The following ZNF621 variants were observed in gnomAD, a reference collection of about 807,000 sequenced individuals.
The protein encoded by ZNF621 is zinc finger protein 621.
Under a neutral mutation model 12.7 loss-of-function variants are expected in ZNF621, and 6 were observed. The observed-to-expected ratio is 0.47, with a 90% CI of 0.26 to 0.93. The LOEUF is 0.93. Ranked by LOEUF, ZNF621 falls within the 40% of genes least tolerant of loss-of-function variation. The pLI is 0.15. For missense variants in ZNF621, 474 were observed against 524.0 expected (o/e 0.90, Z 0.93); for synonymous variants, 156 against 190.3 (o/e 0.82, Z 1.48).
At chr3:40,527,208 G>A (rs1287310324) in intron 2 of ZNF621, among the ~76,000 whole-genome samples, 1 of 152,036 alleles carries the variant, frequency 6.6e-6, no homozygotes, top group South Asian at 2.1e-4. Flanking sequence ...AGTAGAGACG[G>A]GGGTTCTCCA....
In ZNF621 at chr3:40,532,573, G is replaced by T. The variant is rs536118418; in HGVS notation, c.803G>T (p.Cys268Phe). The T allele has an allele frequency of 6.2e-7, 1 of 1,614,132 alleles. No homozygotes were observed. The highest frequency in any genetic ancestry group is 1.3e-5 in the African/African-American group (1 of 75,012). ...TGEKLYKCKE[C>F]WKAFGCRSLF... ...GAGAAACTCTATAAATGTAAGGAAT[G>T]TTGGAAAGCTTTCGGTTGTAGGTCA... The change falls in exon 5 of 5, where the codon TGT becomes TTT. Residue 268 changes from cysteine (C) to phenylalanine (F), a missense_variant. Cys to Phe is a radical substitution (Grantham distance 205). Coordinates refer to ENST00000339296, the MANE Select transcript of ZNF621 (RefSeq NM_198484.5).
intron 1 of ZNF621, 36 bp from the exon 2 acceptor site, chr3:40,525,743 C>G: frequency 6.4e-7 from 1 of 1,570,710 alleles, no homozygotes; most frequent in Non-Finnish European, 8.8e-7. Flanking sequence ...TGGTGGACGA[C>G]AGGGTCCTTA....
At chr3:40,529,863 T>G (rs1000205060) in intron 3 of ZNF621, among the ~76,000 whole-genome samples, 6 of 152,152 alleles carry the variant, frequency 3.9e-5, no homozygotes, top group African/African-American at 1.4e-4. Flanking sequence ...AAAGCATTCT[T>G]TCTGGCACCC....
At chr3:40,523,159 A>G (rs1698496089), upstream of ZNF621, among the ~76,000 whole-genome samples, 1 of 151,954 alleles carries the variant, frequency 6.6e-6, no homozygotes. Flanking sequence ...ACTGATTCAT[A>G]GAAACTTTAA....
intron 2 of ZNF621, among the ~76,000 whole-genome samples, chr3:40,528,103 C>T (rs1698628748): frequency 6.6e-6 from 1 of 152,220 alleles, no homozygotes; most frequent in African/African-American, 2.4e-5. Flanking sequence ...AGAATAGTTT[C>T]ACTGCCCTAA....
At chr3:40,529,619 G>A (rs1698674814) in intron 3 of ZNF621, 174 bp downstream of exon 3, 2 of 1,466,340 alleles carry the variant, frequency 1.4e-6, no homozygotes, top group Non-Finnish European at 1.8e-6. Flanking sequence ...TTGTTTGTTT[G>A]TTTTGTTTGT....
chr3:40,526,003 C>T (rs1698574128), intron 2 of ZNF621, 139 bp downstream of exon 2: 1 of 925,658 alleles, frequency 1.1e-6, no homozygotes, highest in South Asian at 1.5e-5. Flanking sequence ...ATCTCCAGGG[C>T]TATGGCAGAT....
At chr3:40,530,115 TC>T in intron 3 of ZNF621, 93 bp from the exon 4 acceptor site, 1 of 1,006,962 alleles carries the variant, frequency 9.9e-7, no homozygotes, top group Non-Finnish European at 1.5e-6. Context: ...TCAATTTCTC[TC>T]CCAAGTAGCC....
At chr3:40,526,045 T>G (rs1053876539) in intron 2 of ZNF621, among the ~76,000 whole-genome samples, 181 bp downstream of exon 2, 2 of 152,182 alleles carry the variant, frequency 1.3e-5, no homozygotes, top group African/African-American at 4.8e-5. Flanking sequence ...GAAAGTTTTG[T>G]GTATAGAGAG....
Position 40,532,870 on chromosome 3 carries a change from C to T in ZNF621, c.1100C>T (p.Pro367Leu), listed in dbSNP as rs1397591856. ...CAGTGCTCCTCTCCAGCCATACCTC[C>T]TGTTCTTCTCCAGGGATCCTGTTCT... ...SPQCSSPAIP[P>L]VLLQGSCSAS... The change falls in exon 5 of 5, where the codon CCT becomes CTT. Residue 367 changes from proline (P) to leucine (L), a missense_variant. Transcript: ENST00000339296. 1 of 1,610,082 alleles carries T rather than the reference C, an allele frequency of 6.2e-7. No homozygotes were observed. Among genetic ancestry groups the T allele is most frequent in the Admixed American group, 1.7e-5 (1 of 59,246 alleles).
chr3:40,524,165 C>G (rs1190832069), upstream of ZNF621, among the ~76,000 whole-genome samples: 1 of 152,084 alleles, frequency 6.6e-6, no homozygotes, highest in African/African-American at 2.4e-5. Flanking sequence ...GTCCAACTAA[C>G]AGAACAGACC....
Position 40,525,837 on chromosome 3 carries a change from C to A in ZNF621, c.-4C>A, listed in dbSNP as rs1698567119. Reference sequence around the variant, plus strand: ...ACAGTGCATGAAGCCAGGGGACATCCGCCATGCTCCAAACAACTTGGCCTC... The same window carrying A: ...ACAGTGCATGAAGCCAGGGGACATCAGCCATGCTCCAAACAACTTGGCCTC... On this transcript the variant is annotated 5_prime_UTR_variant, in exon 2 of 5. Coordinates refer to ENST00000339296, the MANE Select transcript of ZNF621 (RefSeq NM_198484.5). 6.2e-7 allele frequency: 1 copy of A among 1,614,104 alleles called. No individual in the cohort carries two copies. The highest frequency in any genetic ancestry group is 8.5e-7 in the Non-Finnish European group (1 of 1,180,026).
intron 3 of ZNF621, 65 bp downstream of exon 3, chr3:40,529,510 T>C: frequency 1.2e-6 from 2 of 1,604,906 alleles, no homozygotes; most frequent in African/African-American, 1.3e-5. Context: ...TTGGGGATTC[T>C]AGTAGCCCTT....
rs1376091772 is a variant in ZNF621 at position 40,537,990 on chromosome 3, C to G, written c.*4900C>G. On this transcript the variant is annotated 3_prime_UTR_variant, in exon 5 of 5. Transcript: ENST00000339296. ...AAGTTAATCCCTGGCTTAAAAGCAT[C>G]AAAGGACAGCTCGTCTCTCTTGTTA... Among the ~76,000 whole-genome samples, 3 of 152,162 alleles carry G rather than the reference C, an allele frequency of 2.0e-5. No individual in the cohort carries two copies.
At chr3:40,530,482 C>A (rs543745000) in intron 4 of ZNF621, among the ~76,000 whole-genome samples, 166 bp downstream of exon 4, 1 of 152,190 alleles carries the variant, frequency 6.6e-6, no homozygotes, top group Admixed American at 6.5e-5. Context: ...CTTTGAAAGA[C>A]CACCTCTGGG....
At position 40,532,858 on chromosome 3, in the gene ZNF621, C is replaced by T. The variant is rs773418193; in HGVS notation, c.1088C>T (p.Pro363Leu). ...PSLVSPQCSS[P>L]AIPPVLLQGS... ...CTGGTCAGTCCCCAGTGCTCCTCTC[C>T]AGCCATACCTCCTGTTCTTCTCCAG... The change falls in exon 5 of 5, where the codon CCA (proline) becomes CTA (leucine). Residue 363 changes from proline to leucine, a missense_variant. By Grantham distance (98) the Pro-to-Leu change is moderately conservative. Coordinates refer to ENST00000339296, the MANE Select transcript of ZNF621 (RefSeq NM_198484.5). 1.9e-6 allele frequency: 3 copies of T among 1,612,808 alleles called. No individual in the cohort carries two copies. The Admixed American group carries it at 5.0e-5, about 27-fold the overall frequency.
intron 4 of ZNF621, among the ~76,000 whole-genome samples, chr3:40,531,238 A>G (rs891406572): frequency 2.6e-5 from 4 of 152,130 alleles, no homozygotes; most frequent in Admixed American, 1.3e-4. Context: ...TTTGGGATCT[A>G]GTTTTTTCCT....
At chr3:40,523,541 G>A (rs542829320), upstream of ZNF621, among the ~76,000 whole-genome samples, 5 of 152,270 alleles carry the variant, frequency 3.3e-5, no homozygotes, top group African/African-American at 9.6e-5. Context: ...CGAGGTGCAC[G>A]GATCACAAGG....
upstream of ZNF621, among the ~76,000 whole-genome samples, chr3:40,523,689 C>T (rs1698509639): frequency 6.6e-6 from 1 of 152,156 alleles, no homozygotes; most frequent in African/African-American, 2.4e-5. Flanking sequence ...TGGCGTGAAC[C>T]CAGAAGGCAG....
Sources: allele counts gnomAD v4.1 joint callset (sites outside exome capture counted in the v4.1 genomes callset), GRCh38; gene constraint gnomAD v4.1.1; transcripts MANE v1.5; gene names NCBI Gene and HGNC (gene_info 2026-07-23, HGNC 2026-07-21).